ANXA8: variants seen among roughly 807,000 people sequenced by gnomAD.
ANXA8 encodes annexin A8, also known as VAC-beta.
A neutral mutation model predicts 26.8 loss-of-function variants in ANXA8; 9 were observed. The ratio of observed to expected loss-of-function variants is 0.34; its 90% confidence interval spans 0.20 to 0.59. The LOEUF is 0.59. ANXA8 is among the 20% of genes least tolerant of loss of function. The pLI, the probability that ANXA8 is intolerant of heterozygous loss-of-function variation, is 0.84. For synonymous variants in ANXA8, 39 were observed against 94.8 expected, an observed-to-expected ratio of 0.41 and a Z score of 3.42; for missense variants, 83 against 238.5, an observed-to-expected ratio of 0.35 and a Z score of 4.29.
the ANXA8 span, among the ~76,000 whole-genome samples, chr10:47,939,047 C>T: frequency 6.9e-6 from 1 of 145,078 alleles, no homozygotes; most frequent in Non-Finnish European, 1.5e-5. Flanking sequence ...ACACTCCTGG[C>T]CACCACACTC....
the ANXA8 span, chr10:47,549,381 T>C: frequency 9.6e-6 from 13 of 1,356,056 alleles, no homozygotes; most frequent in African/African-American, 1.9e-4. Context: ...TCTGCGCTTT[T>C]TACCTATAAG....
the ANXA8 span, among the ~76,000 whole-genome samples, chr10:47,969,590 G>T: frequency 6.9e-6 from 1 of 145,892 alleles, no homozygotes. Flanking sequence ...TCCCTCCATT[G>T]TCACAGCAGG....
the ANXA8 span, chr10:47,690,792 A>C: frequency 1.2e-6 from 2 of 1,607,746 alleles, no homozygotes; most frequent in East Asian, 4.5e-5. Context: ...GTAGCTCAGG[A>C]ATACTGTGTT....
chr10:47,651,440 G>A, the ANXA8 span, among the ~76,000 whole-genome samples: 2 of 151,376 alleles, frequency 1.3e-5, no homozygotes, highest in Non-Finnish European at 2.9e-5. Context: ...TAAACATACA[G>A]TTGCCATATG....
chr10:47,957,436 GC>G, the ANXA8 span, among the ~76,000 whole-genome samples: 1 of 150,510 alleles, frequency 6.6e-6, no homozygotes, highest in African/African-American at 2.5e-5. Context: ...GGCCTCCAGG[GC>G]CCCACCTGAG....
chr10:47,497,500 T>C, the ANXA8 span, among the ~76,000 whole-genome samples: 1 of 145,980 alleles, frequency 6.9e-6, no homozygotes, highest in Admixed American at 7.0e-5. Flanking sequence ...ATGCCTGTAA[T>C]CCCAGCTACT....
chr10:47,928,746 C>CTTTTT, the ANXA8 span, among the ~76,000 whole-genome samples: 1 of 100,902 alleles, frequency 9.9e-6, no homozygotes, highest in Non-Finnish European at 2.0e-5. Context: ...CTTTCTCTCT[C>CTTTTT]TCTCTTTTTT....
At chr10:47,969,782 G>A in the ANXA8 span, among the ~76,000 whole-genome samples, 2 of 150,678 alleles carry the variant, frequency 1.3e-5, no homozygotes, top group Non-Finnish European at 3.0e-5. Flanking sequence ...GTGGTGTGAC[G>A]GTAACTCACT....
At chr10:47,985,967 C>T in the ANXA8 span, 1 of 150,810 alleles carries the variant, frequency 6.6e-6, no homozygotes, top group South Asian at 2.1e-4. Flanking sequence ...TGGATTCAAC[C>T]TAGTCTGTTT....
chr10:47,778,012 A>T, the ANXA8 span, among the ~76,000 whole-genome samples: 1 of 151,954 alleles, frequency 6.6e-6, no homozygotes. Context: ...GCAGACTTGT[A>T]CCAGCCCGAC....
At chr10:47,918,431 A>AAGAGAGAG in the ANXA8 span, among the ~76,000 whole-genome samples, 1 of 31,114 alleles carries the variant, frequency 3.2e-5, no homozygotes, top group East Asian at 5.7e-4. Context: ...GAAAGAAAGA[A>AAGAGAGAG]AGAGAGAGAG....
the ANXA8 span, among the ~76,000 whole-genome samples, chr10:47,937,234 G>A: frequency 6.7e-6 from 1 of 149,624 alleles, no homozygotes; most frequent in East Asian, 1.9e-4. Context: ...CAGAAGCCTT[G>A]TCGGATGATG....
the ANXA8 span, among the ~76,000 whole-genome samples, chr10:47,606,265 AC>A: frequency 6.7e-6 from 1 of 149,002 alleles, no homozygotes; most frequent in South Asian, 2.1e-4. Context: ...CATAAACCAC[AC>A]TTTAAGCAAG....
chr10:47,674,244 T>G, the ANXA8 span, among the ~76,000 whole-genome samples: 1 of 150,202 alleles, frequency 6.7e-6, no homozygotes, highest in South Asian at 2.1e-4. Flanking sequence ...TGATCCTCCC[T>G]CCTTAGCTTC....
chr10:47,567,883 T>TA, the ANXA8 span: 1 of 394,824 alleles, frequency 2.5e-6, no homozygotes. Context: ...TCTAATATTG[T>TA]GTGGCGCTTT....
the ANXA8 span, among the ~76,000 whole-genome samples, chr10:47,944,436 C>CT: frequency 6.7e-6 from 1 of 149,684 alleles, no homozygotes; most frequent in Non-Finnish European, 1.5e-5. Context: ...CCTTAAGTCT[C>CT]TTTGTCTAGG....
the ANXA8 span, among the ~76,000 whole-genome samples, chr10:47,710,966 T>C: frequency 6.9e-5 from 10 of 144,338 alleles, no homozygotes; most frequent in Admixed American, 1.4e-4. Context: ...TATACTACTT[T>C]ACCTTTTTAG....
At chr10:47,496,015 G>T in the ANXA8 span, among the ~76,000 whole-genome samples, 20 of 151,696 alleles carry the variant, frequency 1.3e-4, no homozygotes, top group African/African-American at 4.9e-4. Context: ...GGGAAGGCAG[G>T]GCTGAGTCCC....
chr10:47,772,033 C>G, the ANXA8 span, among the ~76,000 whole-genome samples: 1 of 151,738 alleles, frequency 6.6e-6, no homozygotes, highest in Admixed American at 6.5e-5. Flanking sequence ...GTGAAATGCA[C>G]CACTGTTTTG....
Sources: gnomAD v4.1 joint callset for allele counts (sites outside exome capture counted in the v4.1 genomes callset) on GRCh38, gnomAD v4.1.1 for gene constraint, MANE v1.5 for transcripts, NCBI Gene and HGNC (gene_info 2026-07-23, HGNC 2026-07-21) for gene names.